The following STUM variants were observed in gnomAD, a reference collection of about 807,000 sequenced individuals.
STUM encodes the protein stum, mechanosensory transduction mediator homolog, also known as protein stum homolog.
A neutral mutation model predicts 15.3 loss-of-function variants in STUM; 8 were observed. That is an observed-to-expected ratio of 0.52 (90% CI 0.31 to 0.94). The LOEUF is 0.94. Ranked by LOEUF, STUM falls within the 40% of genes least tolerant of loss-of-function variation. The pLI is 0.05. For synonymous variants in STUM, 78 were observed against 88.7 expected (o/e 0.88, Z 0.68); for missense variants, 142 against 204.9 (o/e 0.69, Z 1.87).
intron 1 of STUM, among the ~76,000 whole-genome samples, chr1:226,579,366 C>T (rs900637440): frequency 2.0e-5 from 3 of 152,186 alleles, no homozygotes; most frequent in African/African-American, 7.2e-5. Flanking sequence ...AGTTCTGTGC[C>T]AGGTGCTGGG....
rs150090095 is a variant in STUM at position 226,573,922 on chromosome 1, C to T, written c.203-22880C>T. ...TGATCTCAGCTCACTGCAACCTCCA[C>T]CTCCTGGGTTCAAGCAATTCTCCTG... On this transcript the variant is annotated intron_variant, in intron 1 of 3. Coordinates refer to ENST00000366788, the MANE Select transcript of STUM (RefSeq NM_001003665.4). Among the ~76,000 whole-genome samples, 699 of 151,958 alleles carry T rather than the reference C, an allele frequency of 4.6e-3. 5 individuals carry two copies. The highest frequency in any genetic ancestry group is 0.016 in the African/African-American group (649 of 41,420).
chr1:226,571,060 G>A (rs1450960118), intron 1 of STUM, among the ~76,000 whole-genome samples: 6 of 151,980 alleles, frequency 3.9e-5, no homozygotes, highest in African/African-American at 7.2e-5. Flanking sequence ...GTGAAACCCT[G>A]TCTCTACTAA....
chr1:226,563,629 G>C (rs1667575759), intron 1 of STUM, among the ~76,000 whole-genome samples: 1 of 152,252 alleles, frequency 6.6e-6, no homozygotes. Flanking sequence ...AGCCAGAGCA[G>C]ATCCCAATGC....
chr1:226,606,753 C>T lies in STUM; in HGVS notation c.*4713C>T, dbSNP rs534929698. On this transcript the variant is annotated 3_prime_UTR_variant, in exon 4 of 4. Transcript: ENST00000366788. ...GCCTGAAGCCTTTGCTGTCAACCCT[C>T]CCAGGAAAGAAGCCGGGCCTCAGGC... is the stretch of plus-strand genomic sequence containing the variant. 3.9e-5 allele frequency: 6 copies of T among 152,388 alleles called. No homozygotes were observed. The highest frequency in any genetic ancestry group is 3.4e-3 in the Middle Eastern group (1 of 294). 9.4% of individuals were successfully genotyped at this position (152,388 alleles called of 1,614,324 possible). A position where few individuals can be genotyped will look rare whatever the true frequency, so the allele number is the denominator to read the frequency against.
At chr1:226,597,024 G>A (rs1234320008) in intron 2 of STUM, 43 bp downstream of exon 2, 62 of 1,585,226 alleles carry the variant, frequency 3.9e-5, no homozygotes, top group Non-Finnish European at 5.1e-5. Flanking sequence ...GTGGGGAGTG[G>A]CCAGGGACAG....
At chr1:226,572,053 G>T (rs536004931) in intron 1 of STUM, among the ~76,000 whole-genome samples, 1 of 152,288 alleles carries the variant, frequency 6.6e-6, no homozygotes, top group East Asian at 1.9e-4. Flanking sequence ...ATGGACAGGT[G>T]GTCAGAGCAG....
intron 1 of STUM, among the ~76,000 whole-genome samples, chr1:226,595,369 C>T (rs1571812908): frequency 6.6e-6 from 1 of 152,144 alleles, no homozygotes; most frequent in East Asian, 1.9e-4. Flanking sequence ...GGTCCACTGG[C>T]TCACACATCA....
rs1667601605 is a variant in STUM, at chr1:226,565,150, G to C, written c.202+16044G>C. 6.6e-6 allele frequency among the ~76,000 whole-genome samples: 1 copy of C among 152,156 alleles called. No individual in the cohort carries two copies. The highest frequency in any genetic ancestry group is 2.4e-5 in the African/African-American group (1 of 41,440). On this transcript the variant is annotated intron_variant, in intron 1 of 3. Transcript: ENST00000366788. This position sits in a 1 kb window ranked among gnomAD's most constrained non-coding sequence, Gnocchi z 4.4. Reference sequence around the variant, plus strand: ...CCATTCCCTCCAACTTCCTGTCTATGACCACGAATTCCATTCTACAGCCCC... The same window carrying C: ...CCATTCCCTCCAACTTCCTGTCTATCACCACGAATTCCATTCTACAGCCCC...
intron 1 of STUM, among the ~76,000 whole-genome samples, chr1:226,577,506 C>T (rs1480451559): frequency 6.6e-6 from 1 of 151,600 alleles, no homozygotes; most frequent in Non-Finnish European, 1.5e-5. Flanking sequence ...TTCTCACACA[C>T]ACACACACAC....
intron 1 of STUM, among the ~76,000 whole-genome samples, chr1:226,560,982 A>G (rs748085688): frequency 3.9e-5 from 6 of 152,074 alleles, no homozygotes; most frequent in South Asian, 2.1e-4. Flanking sequence ...TGCTCCTGCT[A>G]TACCCTCTTC....
At position 226,572,467 on chromosome 1, in the gene STUM, G is replaced by A. The variant is rs567321815; in HGVS notation, c.202+23361G>A. On this transcript the variant is annotated intron_variant, in intron 1 of 3. Coordinates refer to ENST00000366788, the MANE Select transcript of STUM (RefSeq NM_001003665.4). ...GTGGGAGAGGCTAACAGCCCTGTGC[G>A]GCTGGATGCCTCGGGGAGATGGAAA... Among the ~76,000 whole-genome samples, 5 of 152,342 alleles carry A rather than the reference G, an allele frequency of 3.3e-5. No individual in the cohort carries two copies. The South Asian group carries it at 6.2e-4, about 19-fold the overall frequency.
intron 1 of STUM, among the ~76,000 whole-genome samples, chr1:226,556,155 C>T (rs1164797000): frequency 6.6e-6 from 1 of 152,142 alleles, no homozygotes; most frequent in African/African-American, 2.4e-5. Flanking sequence ...GCAAGGGACC[C>T]AGCTGCCATG....
At chr1:226,563,653 T>C (rs559535277) in intron 1 of STUM, among the ~76,000 whole-genome samples, 13 of 152,374 alleles carry the variant, frequency 8.5e-5, no homozygotes, top group Middle Eastern at 3.4e-3. Flanking sequence ...AGAGCTATTT[T>C]GGAGAAGTCT....
At chr1:226,559,380 G>A (rs1016419192) in intron 1 of STUM, among the ~76,000 whole-genome samples, 2 of 152,194 alleles carry the variant, frequency 1.3e-5, no homozygotes, top group African/African-American at 2.4e-5. Context: ...CTCCTACCAC[G>A]TCGAAGGCTC....
chr1:226,561,004 T>G (rs1667533070), intron 1 of STUM, among the ~76,000 whole-genome samples: 1 of 152,120 alleles, frequency 6.6e-6, no homozygotes, highest in South Asian at 2.1e-4. Context: ...TGGTACACCT[T>G]CCTCCATCAT....
chr1:226,598,580 T>C (rs565283077), intron 2 of STUM, among the ~76,000 whole-genome samples: 41 of 152,368 alleles, frequency 2.7e-4, no homozygotes, highest in Non-Finnish European at 5.4e-4. Context: ...CCCTTCATCA[T>C]GCCTAGATGA....
chr1:226,551,839 G>A (rs751137617), intron 1 of STUM, among the ~76,000 whole-genome samples: 1 of 152,154 alleles, frequency 6.6e-6, no homozygotes, highest in Non-Finnish European at 1.5e-5. Flanking sequence ...TCCTGGGGGC[G>A]AAGGAAGGGG....
chr1:226,585,303 C>G (rs1220761959), intron 1 of STUM, among the ~76,000 whole-genome samples: 1 of 152,218 alleles, frequency 6.6e-6, no homozygotes, highest in African/African-American at 2.4e-5. Context: ...TCTGCTCCAG[C>G]ACTGCCTCCT....
chr1:226,602,702 G>A lies in STUM; in HGVS notation c.*662G>A, dbSNP rs878149. On this transcript the variant is annotated 3_prime_UTR_variant, in exon 4 of 4. Transcript: ENST00000366788. Reference sequence around the variant, plus strand: ...CTGAAATCTGAGGGCTGGGTGTGTCGTGACCTGTGTTTTCCTGGGAAGGAG... The same window carrying A: ...CTGAAATCTGAGGGCTGGGTGTGTCATGACCTGTGTTTTCCTGGGAAGGAG... 0.18 allele frequency: 27,153 copies of A among 152,394 alleles called. 2,992 individuals are homozygous for A. The highest frequency in any genetic ancestry group is 0.33 in the East Asian group (1,688 of 5,176). The allele number at this position is 152,394 out of a possible 1,614,324, so 9.4% of individuals were successfully genotyped here.
Sources: allele counts gnomAD v4.1 joint callset (sites outside exome capture counted in the v4.1 genomes callset), GRCh38; gene constraint gnomAD v4.1.1; non-coding constraint Gnocchi (gnomAD v3.1); transcripts MANE v1.5; gene names NCBI Gene and HGNC (gene_info 2026-07-23, HGNC 2026-07-21).